The following MYRIP variants were observed in gnomAD, a reference collection of about 807,000 sequenced individuals.
MYRIP encodes the protein rab effector MyRIP.
Under a neutral mutation model 98.0 loss-of-function variants are expected in MYRIP, and 49 were observed. The ratio of observed to expected loss-of-function variants is 0.50; its 90% CI spans 0.40 to 0.63. The LOEUF (loss-of-function observed/expected upper bound fraction) is 0.63, where lower values mean the gene tolerates loss of function less well. Ranked by LOEUF, MYRIP falls within the 30% of genes least tolerant of loss-of-function variation. The pLI is 0.00. For missense variants in MYRIP, 1,004 were observed against 1,058.2 expected (o/e 0.95, Z 0.71); for synonymous variants, 404 against 409.5 (o/e 0.99, Z 0.16).
At chr3:39,957,415 C>CA (rs1945196449) in intron 2 of MYRIP, among the ~76,000 whole-genome samples, 1 of 152,066 alleles carries the variant, frequency 6.6e-6, no homozygotes, top group Non-Finnish European at 1.5e-5. Context: ...TAAACAGAAC[C>CA]AACGACAAAA....
intron 2 of MYRIP, among the ~76,000 whole-genome samples, chr3:40,011,849 C>T (rs1381517069): frequency 2.0e-5 from 3 of 151,828 alleles, no homozygotes; most frequent in Non-Finnish European, 4.4e-5. Context: ...CTCAAGGTAC[C>T]CTAGTTCAGT....
At chr3:39,848,332 T>A (rs895912757) in intron 1 of MYRIP, among the ~76,000 whole-genome samples, 11 of 152,258 alleles carry the variant, frequency 7.2e-5, no homozygotes, top group African/African-American at 2.7e-4. Context: ...TTTATTTTTT[T>A]AAAATAAACC....
At chr3:39,866,373 G>C (rs1409110332) in intron 1 of MYRIP, among the ~76,000 whole-genome samples, 2 of 152,064 alleles carry the variant, frequency 1.3e-5, no homozygotes, top group Non-Finnish European at 1.5e-5. Context: ...CAAACCTGCA[G>C]GATACAAAGT....
intron 11 of MYRIP, among the ~76,000 whole-genome samples, chr3:40,212,245 C>CAT (rs759976655): frequency 1.4e-5 from 1 of 72,498 alleles, no homozygotes; most frequent in African/African-American, 4.1e-5. Context: ...CACACACACA[C>CAT]ATATATATAT....
At chr3:39,856,860 G>A (rs1001294979) in intron 1 of MYRIP, among the ~76,000 whole-genome samples, 1 of 152,142 alleles carries the variant, frequency 6.6e-6, no homozygotes, top group Non-Finnish European at 1.5e-5. Flanking sequence ...GGTTCATAAA[G>A]AATCAAGGAA....
chr3:40,214,968 C>T (rs1952073429), intron 11 of MYRIP, among the ~76,000 whole-genome samples: 1 of 152,106 alleles, frequency 6.6e-6, no homozygotes, highest in African/African-American at 2.4e-5. Flanking sequence ...TCCCTTCTGG[C>T]TCCAAAATTC....
intron 2 of MYRIP, among the ~76,000 whole-genome samples, chr3:39,991,435 G>C (rs1482326770): frequency 1.3e-5 from 2 of 152,216 alleles, no homozygotes; most frequent in Non-Finnish European, 2.9e-5. Flanking sequence ...AAGTGTTTTT[G>C]TGTGATGTGC....
intron 1 of MYRIP, among the ~76,000 whole-genome samples, chr3:39,819,548 T>G (rs2125570234): frequency 6.6e-6 from 1 of 152,172 alleles, no homozygotes; most frequent in East Asian, 1.9e-4. Context: ...TATTCCTTTT[T>G]GTCTTCTATT....
intron 9 of MYRIP, among the ~76,000 whole-genome samples, chr3:40,183,626 C>T (rs1337675880): frequency 6.6e-6 from 1 of 152,196 alleles, no homozygotes; most frequent in Non-Finnish European, 1.5e-5. Context: ...ACTAAAACTT[C>T]CCCCAACCCC....
At chr3:40,238,960 GGTTA>G (rs1213547315) in intron 12 of MYRIP, among the ~76,000 whole-genome samples, 9 of 151,714 alleles carry the variant, frequency 5.9e-5, no homozygotes, top group South Asian at 2.1e-4. Context: ...ACAATGTGCA[GGTTA>G]GTTACATATG....
At chr3:39,819,063 T>A (rs1387405410) in intron 1 of MYRIP, among the ~76,000 whole-genome samples, 1 of 152,170 alleles carries the variant, frequency 6.6e-6, no homozygotes, top group Non-Finnish European at 1.5e-5. Context: ...TATAAATATT[T>A]ACCAGTGGGG....
intron 11 of MYRIP, among the ~76,000 whole-genome samples, chr3:40,218,269 A>G (rs774691629): frequency 3.0e-4 from 46 of 152,048 alleles, no homozygotes; most frequent in Non-Finnish European, 6.2e-4. Context: ...AAGTGCACCA[A>G]TGTCAATGAA....
intron 11 of MYRIP, among the ~76,000 whole-genome samples, chr3:40,223,183 A>G (rs1952384942): frequency 6.6e-6 from 1 of 152,266 alleles, no homozygotes; most frequent in Non-Finnish European, 1.5e-5. Context: ...GTTTAATGCA[A>G]TGCAAATCAA....
chr3:39,954,748 C>T lies in MYRIP; in HGVS notation c.110+53822C>T, dbSNP rs187689440. Among the ~76,000 whole-genome samples the T allele has an allele frequency of 2.0e-5, 3 of 152,182 alleles. No homozygotes were observed. In the East Asian group the frequency reaches 5.8e-4, roughly 29 times the overall value. Reference sequence around the variant, plus strand: ...TCCAAGCTGAAGGAGGATGTTCAAACCCATCGCAAAGAAGCTAAAAACCTT... The same window carrying T: ...TCCAAGCTGAAGGAGGATGTTCAAATCCATCGCAAAGAAGCTAAAAACCTT... On this transcript the variant is annotated intron_variant, in intron 2 of 16. Transcript: ENST00000302541.
At chr3:40,180,940 T>G (rs1025476027) in intron 8 of MYRIP, among the ~76,000 whole-genome samples, 1 of 152,132 alleles carries the variant, frequency 6.6e-6, no homozygotes, top group African/African-American at 2.4e-5. Context: ...TGGGTTTTGA[T>G]CCTCATCTAT....
At chr3:39,994,958 C>T (rs1231090193) in intron 2 of MYRIP, among the ~76,000 whole-genome samples, 1 of 152,210 alleles carries the variant, frequency 6.6e-6, no homozygotes, top group African/African-American at 2.4e-5. Context: ...CAAACTCCAA[C>T]AGACCTGCAG....
intron 2 of MYRIP, among the ~76,000 whole-genome samples, chr3:39,903,541 G>A (rs565970707): frequency 6.6e-6 from 1 of 152,288 alleles, no homozygotes; most frequent in Non-Finnish European, 1.5e-5. Flanking sequence ...TAGGAGGTGG[G>A]AGTGTGAATT....
Position 40,210,100 on chromosome 3 carries a change from G to A in MYRIP, c.1905+7G>A. The A allele has an allele frequency of 1.9e-6, 3 of 1,612,974 alleles. No homozygotes were observed. Among genetic ancestry groups the A allele is most frequent in the Non-Finnish European group, 8.5e-7 (1 of 1,179,580 alleles). On this transcript the variant is annotated splice_region_variant and intron_variant, in intron 11 of 16. Coordinates refer to ENST00000302541, the MANE Select transcript of MYRIP (RefSeq NM_015460.4). ...CCAGGAAGAGCTGAAGAAGGTAAGG[G>A]CTGTGAAGCCACCTGCAGACAGCTC... is the stretch of plus-strand genomic sequence containing the variant.
rs10470677 is a variant in MYRIP at position 40,155,561 on chromosome 3, T to C, written c.469+4377T>C. On this transcript the variant is annotated intron_variant, in intron 4 of 16. Transcript: ENST00000302541. ...TTCTAGTTCTAGATCCCTGAGGAAT[T>C]GCCACACTGACTTCCACAATGGTTG... 8.5e-3 allele frequency among the ~76,000 whole-genome samples: 1,282 copies of C among 151,620 alleles called. 17 individuals are homozygous for C. Among genetic ancestry groups the C allele is most frequent in the African/African-American group, 0.029 (1,173 of 41,108 alleles).
Sources: allele counts gnomAD v4.1 joint callset (sites outside exome capture counted in the v4.1 genomes callset), GRCh38; gene constraint gnomAD v4.1.1; transcripts MANE v1.5; gene names NCBI Gene and HGNC (gene_info 2026-07-23, HGNC 2026-07-21).